Variants in NECAB1 observed in about 807,000 individuals in gnomAD.
NECAB1 encodes the protein N-terminal EF-hand calcium binding protein 1.
NECAB1 carries 29 observed loss-of-function variants against 57.5 expected under a neutral mutation model. That is an observed-to-expected ratio of 0.50 (90% CI 0.38 to 0.69). The LOEUF is 0.69. Ranked by LOEUF, NECAB1 falls within the 30% of genes least tolerant of loss-of-function variation. NECAB1 has a pLI of 0.00. For missense variants in NECAB1, 372 were observed against 413.8 expected (o/e 0.90, Z 0.88); for synonymous variants, 142 against 147.7 (o/e 0.96, Z 0.28).
chr8:90,875,805 G>T (rs1296937538), intron 4 of NECAB1, among the ~76,000 whole-genome samples: 2 of 143,894 alleles, frequency 1.4e-5, no homozygotes, highest in African/African-American at 2.6e-5. Context: ...GAGATCAGGA[G>T]ATCAAGACCA....
chr8:90,914,113 C>A (rs1251100762), intron 5 of NECAB1, among the ~76,000 whole-genome samples: 1 of 152,140 alleles, frequency 6.6e-6, no homozygotes, highest in Non-Finnish European at 1.5e-5. Context: ...ATTTCTTAAG[C>A]ATTTATGGGG....
rs947219647 is a variant in NECAB1 at position 90,848,684 on chromosome 8, T to G, written c.234-23444T>G. Among the ~76,000 whole-genome samples, 4 of 152,294 alleles carry G rather than the reference T, an allele frequency of 2.6e-5. No individual in the cohort carries two copies. In the South Asian group the frequency reaches 8.3e-4, roughly 32 times the overall value. On this transcript the variant is annotated intron_variant, in intron 3 of 12. Transcript: ENST00000417640. ...GACAGCTTGTGCAGGGAACTGCCCT[T>G]TATAAAACCATCAGATCAGTCCAAG... is the stretch of plus-strand genomic sequence containing the variant.
chr8:90,955,931 C>A lies in NECAB1; in HGVS notation c.*419C>A. 6.5e-6 allele frequency: 1 copy of A among 154,252 alleles called. No homozygotes were observed. Among genetic ancestry groups the A allele is most frequent in the Non-Finnish European group, 1.4e-5 (1 of 69,464 alleles). 9.6% of individuals were successfully genotyped at this position (154,252 alleles called of 1,614,324 possible). On this transcript the variant is annotated 3_prime_UTR_variant, in exon 13 of 13. Coordinates refer to ENST00000417640, the MANE Select transcript of NECAB1 (RefSeq NM_022351.5). ...CGTATACTGTAAAGGGTTAAATCAG[C>A]GTTTTGTGATTTTTAAGTAACTGTG... is the stretch of plus-strand genomic sequence containing the variant.
chr8:90,910,933 C>G (rs1809815306), intron 5 of NECAB1, among the ~76,000 whole-genome samples: 2 of 152,116 alleles, frequency 1.3e-5, no homozygotes, highest in African/African-American at 2.4e-5. Flanking sequence ...TTGTGGCTGT[C>G]AGTGATTTTG....
At chr8:90,951,339 A>C (rs1810921561) in intron 12 of NECAB1, 135 bp downstream of exon 12, 1 of 547,080 alleles carries the variant, frequency 1.8e-6, no homozygotes, top group Non-Finnish European at 3.1e-6. Flanking sequence ...ATATTTTATG[A>C]TTTGAGATTG....
intron 10 of NECAB1, among the ~76,000 whole-genome samples, chr8:90,947,297 A>AACACATACACACACACAC (rs1810827176): frequency 2.7e-5 from 1 of 37,000 alleles, no homozygotes; most frequent in Admixed American, 3.6e-4. Context: ...TTGGGCTAAC[A>AACACATACACACACACAC]ACACATACAC....
chr8:90,896,306 C>A (rs1419355592), intron 5 of NECAB1, among the ~76,000 whole-genome samples: 3 of 152,114 alleles, frequency 2.0e-5, no homozygotes, highest in Non-Finnish European at 4.4e-5. Flanking sequence ...AATTTCTTTT[C>A]AAAGAATTAA....
intron 3 of NECAB1, among the ~76,000 whole-genome samples, chr8:90,860,240 T>TTC (rs1037596502): frequency 6.3e-5 from 8 of 127,272 alleles, no homozygotes; most frequent in South Asian, 4.6e-4. Context: ...TTTTTTTTCT[T>TTC]TTTTTTTTTT....
chr8:90,865,243 G>A (rs766001376), intron 3 of NECAB1, among the ~76,000 whole-genome samples: 9 of 152,092 alleles, frequency 5.9e-5, no homozygotes, highest in East Asian at 1.9e-4. Flanking sequence ...TTCCAATTCC[G>A]TTTTCTCTCT....
chr8:90,911,746 G>A (rs1809835475), intron 5 of NECAB1, among the ~76,000 whole-genome samples: 1 of 152,140 alleles, frequency 6.6e-6, no homozygotes, highest in Admixed American at 6.6e-5. Context: ...ATTCTGAGGT[G>A]AAGTATTATC....
At chr8:90,954,964 GTA>G (rs1810995828) in intron 12 of NECAB1, among the ~76,000 whole-genome samples, 1 of 143,758 alleles carries the variant, frequency 7.0e-6, no homozygotes, top group African/African-American at 2.5e-5. Context: ...CATATTATAT[GTA>G]TATATTATGT....
intron 3 of NECAB1, 41 bp downstream of exon 3, chr8:90,824,866 C>A: frequency 9.4e-7 from 1 of 1,063,652 alleles, no homozygotes; most frequent in Non-Finnish European, 1.4e-6. Context: ...AAGTGAGGCA[C>A]AGAGAGCGTG....
At chr8:90,808,572 G>C (rs1213289052) in intron 2 of NECAB1, among the ~76,000 whole-genome samples, 1 of 151,464 alleles carries the variant, frequency 6.6e-6, no homozygotes, top group Non-Finnish European at 1.5e-5. Context: ...AAAGGTGCCT[G>C]GCCCTTAGGA....
At chr8:90,937,984 A>T (rs1386586198) in intron 9 of NECAB1, among the ~76,000 whole-genome samples, 1 of 152,198 alleles carries the variant, frequency 6.6e-6, no homozygotes, top group East Asian at 1.9e-4. Context: ...AGAGCATACA[A>T]GAAAGGCTAG....
At chr8:90,886,009 C>A (rs1808976156) in intron 5 of NECAB1, among the ~76,000 whole-genome samples, 1 of 152,016 alleles carries the variant, frequency 6.6e-6, no homozygotes, top group African/African-American at 2.4e-5. Context: ...ATAATTAAAT[C>A]CTGAAATCAA....
chr8:90,895,711 T>C (rs990173038), intron 5 of NECAB1, among the ~76,000 whole-genome samples: 3 of 152,198 alleles, frequency 2.0e-5, no homozygotes, highest in Non-Finnish European at 4.4e-5. Flanking sequence ...CCTTGCCCCA[T>C]GAAGTTAAAT....
At chr8:90,937,334 C>T (rs1442455786) in intron 9 of NECAB1, among the ~76,000 whole-genome samples, 1 of 151,982 alleles carries the variant, frequency 6.6e-6, no homozygotes, top group Non-Finnish European at 1.5e-5. Context: ...ACAGAATCTA[C>T]AATAAAATGT....
At chr8:90,806,266 AGTCCAATCCAGCAGCCT>A (rs1344284719) in intron 2 of NECAB1, among the ~76,000 whole-genome samples, 1 of 152,188 alleles carries the variant, frequency 6.6e-6, no homozygotes, top group Non-Finnish European at 1.5e-5. Flanking sequence ...TCAGGACTTT[AGTCCAATCCAGCAGCCT>A]GCACGTATTA....
chr8:90,945,383 A>G (rs140860207), intron 10 of NECAB1, among the ~76,000 whole-genome samples: 193 of 152,156 alleles, frequency 1.3e-3, no homozygotes, highest in Non-Finnish European at 2.3e-3. Context: ...TATTGCTTAT[A>G]GAGACAGGGT....
Sources: gnomAD v4.1 joint callset for allele counts (sites outside exome capture counted in the v4.1 genomes callset) on GRCh38, gnomAD v4.1.1 for gene constraint, MANE v1.5 for transcripts, NCBI Gene and HGNC (gene_info 2026-07-23, HGNC 2026-07-21) for gene names.